SDCCAG8: variants seen among roughly 807,000 people sequenced by gnomAD.
The protein encoded by SDCCAG8 is serologically defined colon cancer antigen 8.
Under a neutral mutation model 101.8 loss-of-function variants are expected in SDCCAG8, and 74 were observed. The ratio of observed to expected loss-of-function variants is 0.73; its 90% CI spans 0.60 to 0.88. SDCCAG8 has a LOEUF of 0.88. Ranked by LOEUF, SDCCAG8 falls within the 40% of genes least tolerant of loss-of-function variation. SDCCAG8 has a pLI of 0.00. For synonymous variants in SDCCAG8, 281 were observed against 292.9 expected (o/e 0.96, Z 0.41); for missense variants, 787 against 822.6 (o/e 0.96, Z 0.53).
At chr1:243,286,982 C>T (rs1268206898) in intron 5 of SDCCAG8, among the ~76,000 whole-genome samples, 2 of 152,202 alleles carry the variant, frequency 1.3e-5, no homozygotes, top group African/African-American at 4.8e-5. Flanking sequence ...AATTCCTGGA[C>T]TCCATCCCCT....
At chr1:243,397,472 T>A (rs955583948) in intron 13 of SDCCAG8, among the ~76,000 whole-genome samples, 14 of 152,156 alleles carry the variant, frequency 9.2e-5, no homozygotes, top group Non-Finnish European at 1.6e-4. Flanking sequence ...AAGAAAAAAA[T>A]TTAAAGTGAA....
At chr1:243,375,027 T>C (rs1394710336) in intron 12 of SDCCAG8, among the ~76,000 whole-genome samples, 1 of 152,126 alleles carries the variant, frequency 6.6e-6, no homozygotes, top group Non-Finnish European at 1.5e-5. Flanking sequence ...TTAAACAAGA[T>C]AATGCTTGTC....
At chr1:243,372,932 C>A (rs1348906460) in intron 12 of SDCCAG8, among the ~76,000 whole-genome samples, 1 of 144,766 alleles carries the variant, frequency 6.9e-6, no homozygotes, top group South Asian at 2.2e-4. Flanking sequence ...ATATCTATAT[C>A]TATATCTATA....
intron 7 of SDCCAG8, chr1:243,306,409 C>T (rs2072134528): frequency 6.6e-6 from 1 of 152,198 alleles, no homozygotes; most frequent in East Asian, 1.9e-4. Flanking sequence ...GATATTTCAT[C>T]TTTAATTACA....
chr1:243,349,650 ATGGCATTACTCAGCGAG>A (rs775559806), intron 12 of SDCCAG8, among the ~76,000 whole-genome samples: 26 of 152,230 alleles, frequency 1.7e-4, no homozygotes, highest in Non-Finnish European at 3.2e-4. Flanking sequence ...TAAAAATCTA[ATGGCATTACTCAGCGAG>A]TGTATCACTG....
At position 243,341,048 on chromosome 1, in the gene SDCCAG8, T is replaced by G; in HGVS notation, c.1231T>G (p.Leu411Val). The G allele has an allele frequency of 6.2e-7, 1 of 1,613,646 alleles. No homozygotes were observed. The highest frequency in any genetic ancestry group is 8.5e-7 in the Non-Finnish European group (1 of 1,179,522). ...TTATTTTCCCTTACAGATGTTGATC[T>G]TGTCTCAGAATATTGCCCAACTGGA... ...REYMGSKMLI[L>V]SQNIAQLEAQ... Residue 411 changes from leucine (L) to valine (V), a missense_variant, in exon 11 of 18, where the codon TTG becomes GTG. Physicochemically the swap from Leu to Val is conservative, Grantham distance 32. Transcript: ENST00000366541.
intron 12 of SDCCAG8, among the ~76,000 whole-genome samples, chr1:243,372,895 AC>A: frequency 7.8e-6 from 1 of 128,674 alleles, no homozygotes; most frequent in South Asian, 2.6e-4. Context: ...CTACTTGGGA[AC>A]CATATCTATA....
At chr1:243,317,905 A>T (rs967740900) in intron 9 of SDCCAG8, 1 of 349,276 alleles carries the variant, frequency 2.9e-6, no homozygotes, top group African/African-American at 2.2e-5. Flanking sequence ...GTTTTGTTGG[A>T]TAGCACTGGT....
intron 13 of SDCCAG8, among the ~76,000 whole-genome samples, chr1:243,381,404 C>T (rs2077942839): frequency 6.6e-6 from 1 of 151,990 alleles, no homozygotes; most frequent in African/African-American, 2.4e-5. Context: ...TCCTGAGCAA[C>T]ACAATGAGAC....
intron 5 of SDCCAG8, among the ~76,000 whole-genome samples, chr1:243,288,857 A>G (rs2069904069): frequency 6.6e-6 from 1 of 152,006 alleles, no homozygotes; most frequent in Non-Finnish European, 1.5e-5. Flanking sequence ...AATACAAAAA[A>G]TTAGCCGGGC....
At chr1:243,334,846 T>C (rs1019378508) in intron 10 of SDCCAG8, among the ~76,000 whole-genome samples, 16 of 152,136 alleles carry the variant, frequency 1.1e-4, no homozygotes, top group Non-Finnish European at 1.8e-4. Flanking sequence ...CCTTGGCCAC[T>C]CAACGTGCTA....
intron 8 of SDCCAG8, among the ~76,000 whole-genome samples, chr1:243,315,459 A>C (rs949628153): frequency 9.9e-5 from 15 of 152,208 alleles, no homozygotes. Context: ...ACAAATCAGG[A>C]AATTCTAAAG....
chr1:243,488,125 A>T (rs1665444018), intron 16 of SDCCAG8: 1 of 152,274 alleles, frequency 6.6e-6, no homozygotes, highest in Admixed American at 6.5e-5. Context: ...CCGAAGGCCC[A>T]AACGTGTGGC....
At chr1:243,374,694 G>T (rs1019816479) in intron 12 of SDCCAG8, among the ~76,000 whole-genome samples, 1 of 152,068 alleles carries the variant, frequency 6.6e-6, no homozygotes, top group African/African-American at 2.4e-5. Context: ...GCTACCTGGA[G>T]ATTGTACTTC....
intron 13 of SDCCAG8, among the ~76,000 whole-genome samples, chr1:243,413,993 A>G (rs559847510): frequency 6.6e-6 from 1 of 152,328 alleles, no homozygotes; most frequent in African/African-American, 2.4e-5. Context: ...AACAACATCC[A>G]ATCATGAAAT....
At chr1:243,399,388 T>A (rs921387403) in intron 13 of SDCCAG8, among the ~76,000 whole-genome samples, 6 of 152,238 alleles carry the variant, frequency 3.9e-5, no homozygotes, top group East Asian at 3.9e-4. Context: ...GAAAAAAAAA[T>A]TATTTTTGGA....
At chr1:243,331,516 G>A (rs1192784553) in intron 10 of SDCCAG8, among the ~76,000 whole-genome samples, 1 of 152,208 alleles carries the variant, frequency 6.6e-6, no homozygotes, top group Non-Finnish European at 1.5e-5. Flanking sequence ...TATGTAAAGA[G>A]AAAAATCACA....
At chr1:243,316,647 G>A (rs568306923) in intron 8 of SDCCAG8, 108 bp from the exon 9 acceptor site, 18 of 1,342,912 alleles carry the variant, frequency 1.3e-5, no homozygotes, top group South Asian at 1.1e-4. Context: ...GTGCTCAGCC[G>A]GCCTACCCTG....
At chr1:243,310,505 G>A (rs1334216263) in intron 8 of SDCCAG8, among the ~76,000 whole-genome samples, 1 of 151,796 alleles carries the variant, frequency 6.6e-6, no homozygotes, top group Non-Finnish European at 1.5e-5. Context: ...ATAAATTCAT[G>A]GTAGTTTAAA....
Sources: allele counts gnomAD v4.1 joint callset (sites outside exome capture counted in the v4.1 genomes callset), GRCh38; gene constraint gnomAD v4.1.1; transcripts MANE v1.5; gene names NCBI Gene and HGNC (gene_info 2026-07-23, HGNC 2026-07-21).